The following IRAG1 variants were observed in gnomAD, a reference collection of about 807,000 sequenced individuals.
The protein encoded by IRAG1 is IP3R-associated cGMP kinase substrate.
Under a neutral mutation model 106.2 loss-of-function variants are expected in IRAG1, and 62 were observed. The observed-to-expected ratio is 0.58, with a 90% CI of 0.48 to 0.72. IRAG1 has a LOEUF of 0.72. Among genes scored for constraint, IRAG1 ranks in the 30% least tolerant of loss-of-function variants. The pLI is 0.00. For missense variants in IRAG1, 1,064 were observed against 1,140.7 expected, an observed-to-expected ratio of 0.93 and a Z score of 0.97; for synonymous variants, 462 against 443.9, an observed-to-expected ratio of 1.04 and a Z score of -0.51.
At chr11:10,693,365 G>A (rs1445233575) in intron 1 of IRAG1, 171 bp downstream of exon 1, 1 of 1,283,308 alleles carries the variant, frequency 7.8e-7, no homozygotes, top group Non-Finnish European at 1.0e-6. Context: ...TAAAACTTAA[G>A]ACAGCAACAA....
rs2134083113 is a variant in IRAG1, at chr11:10,580,574, T to C, written c.2376A>G (p.Leu792=). 1 of 1,613,498 alleles carries C rather than the reference T, an allele frequency of 6.2e-7. No homozygotes were observed. Among genetic ancestry groups the C allele is most frequent in the Non-Finnish European group, 8.5e-7 (1 of 1,179,750 alleles). The change falls in exon 20 of 21, where the codon CTA becomes CTG. Residue 792 remains leucine, a synonymous_variant. Transcript: ENST00000423302. ...GGTCTTGAAGTTCTTTGGTCTTCTT[T>C]AGACCTTCTTGGAATCTGGGGGGCA... ...EAYSKGFQEG[L]KKTKELQDLK...
chr11:10,658,515 C>T (rs1859119658), intron 1 of IRAG1: 1 of 154,992 alleles, frequency 6.5e-6, no homozygotes, highest in Admixed American at 6.5e-5. Flanking sequence ...ATCAACAAAA[C>T]CAAGCCAAGG....
At chr11:10,660,114 C>T (rs1233392453) in intron 1 of IRAG1, among the ~76,000 whole-genome samples, 1 of 152,140 alleles carries the variant, frequency 6.6e-6, no homozygotes, top group Non-Finnish European at 1.5e-5. Flanking sequence ...ATTTCTGGGC[C>T]CTTCTAACTT....
intron 15 of IRAG1, chr11:10,595,744 A>G (rs1233306242): frequency 1.3e-5 from 2 of 152,290 alleles, no homozygotes; most frequent in Middle Eastern, 3.4e-3. Flanking sequence ...GTGCAGGTGC[A>G]TTACATAAAC....
At chr11:10,584,548 A>AATATATATAT (rs56768282) in intron 18 of IRAG1, among the ~76,000 whole-genome samples, 1,700 of 98,426 alleles carry the variant, frequency 0.017, 40 homozygotes, top group Non-Finnish European at 0.025. Context: ...TCTTTCATGA[A>AATATATATAT]ATATATATAT....
At chr11:10,644,555 A>G (rs779744231) in intron 2 of IRAG1, among the ~76,000 whole-genome samples, 3 of 152,076 alleles carry the variant, frequency 2.0e-5, no homozygotes, top group East Asian at 1.9e-4. Context: ...TTTCTCATCT[A>G]TAAAGTGGGA....
intron 2 of IRAG1, among the ~76,000 whole-genome samples, chr11:10,640,070 T>A (rs1221052614): frequency 6.6e-6 from 1 of 152,106 alleles, no homozygotes; most frequent in Non-Finnish European, 1.5e-5. Context: ...GGAAGTAACC[T>A]CCACTGCTAT....
intron 2 of IRAG1, among the ~76,000 whole-genome samples, 172 bp from the exon 3 acceptor site, chr11:10,634,243 A>G (rs2134674430): frequency 6.6e-6 from 1 of 152,308 alleles, no homozygotes; most frequent in Non-Finnish European, 1.5e-5. Flanking sequence ...TGACAAATAA[A>G]CATTGTATAT....
intron 1 of IRAG1, among the ~76,000 whole-genome samples, chr11:10,692,440 T>C (rs1424634609): frequency 6.6e-6 from 1 of 151,954 alleles, no homozygotes; most frequent in East Asian, 1.9e-4. Context: ...TAACCTGAGT[T>C]CCCTCCCCCA....
At chr11:10,692,752 A>T (rs1372385440) in intron 1 of IRAG1, among the ~76,000 whole-genome samples, 1 of 152,230 alleles carries the variant, frequency 6.6e-6, no homozygotes, top group African/African-American at 2.4e-5. Context: ...CTCAAACTGC[A>T]GAGCCTCTAT....
At chr11:10,586,521 G>A (rs190148098) in intron 18 of IRAG1, among the ~76,000 whole-genome samples, 33 of 151,676 alleles carry the variant, frequency 2.2e-4, no homozygotes, top group African/African-American at 4.1e-4. Flanking sequence ...AGGTTCAAGC[G>A]ATTCTCCTGC....
intron 2 of IRAG1, among the ~76,000 whole-genome samples, chr11:10,638,844 G>C (rs1165088553): frequency 6.6e-6 from 1 of 152,150 alleles, no homozygotes; most frequent in Non-Finnish European, 1.5e-5. Context: ...GTGGTATTAG[G>C]AGAGTTATAG....
chr11:10,587,627 C>T (rs567248724), intron 18 of IRAG1, among the ~76,000 whole-genome samples: 42 of 152,288 alleles, frequency 2.8e-4, no homozygotes, highest in Non-Finnish European at 1.0e-4. Flanking sequence ...TAAAATTGCT[C>T]TGTGATACAT....
intron 1 of IRAG1, among the ~76,000 whole-genome samples, chr11:10,686,249 C>T (rs148656629): frequency 3.9e-5 from 6 of 152,204 alleles, no homozygotes; most frequent in Non-Finnish European, 7.4e-5. Context: ...TTAGATCATT[C>T]GCCCACGTCA....
intron 3 of IRAG1, 58 bp from the exon 4 acceptor site, chr11:10,632,119 G>A: frequency 1.8e-6 from 2 of 1,127,948 alleles, no homozygotes; most frequent in Non-Finnish European, 2.7e-6. Flanking sequence ...GAAAATAGGT[G>A]AAAAGATGCC....
chr11:10,664,217 C>T (rs373972794), intron 1 of IRAG1, among the ~76,000 whole-genome samples: 4 of 152,240 alleles, frequency 2.6e-5, no homozygotes, highest in South Asian at 2.1e-4. Context: ...GAAGCAGCTG[C>T]GACTGTGATC....
At chr11:10,660,196 TTTCAAGAA>T (rs1195527726) in intron 1 of IRAG1, among the ~76,000 whole-genome samples, 3 of 152,184 alleles carry the variant, frequency 2.0e-5, no homozygotes, top group African/African-American at 7.2e-5. Flanking sequence ...CTAATGTAAT[TTTCAAGAA>T]TTCTGTGAAC....
chr11:10,652,226 T>G, intron 1 of IRAG1, 44 bp from the exon 2 acceptor site: 1 of 1,602,198 alleles, frequency 6.2e-7, no homozygotes, highest in Non-Finnish European at 8.5e-7. Flanking sequence ...TTCCCATCCC[T>G]GTCCCAAGCT....
chr11:10,639,968 G>A (rs1286368829), intron 2 of IRAG1, among the ~76,000 whole-genome samples: 2 of 152,122 alleles, frequency 1.3e-5, no homozygotes, highest in African/African-American at 2.4e-5. Flanking sequence ...TTGTGGCCAG[G>A]GTCTATGCTA....
Sources: gnomAD v4.1 joint callset for allele counts (sites outside exome capture counted in the v4.1 genomes callset) on GRCh38, gnomAD v4.1.1 for gene constraint, MANE v1.5 for transcripts, NCBI Gene and HGNC (gene_info 2026-07-23, HGNC 2026-07-21) for gene names.